Variants in NFE2L2 observed in about 807,000 individuals in gnomAD.
The protein encoded by NFE2L2 is NFE2 like bZIP transcription factor 2, also known as nuclear factor erythroid 2-related factor 2.
Under a neutral mutation model 49.6 loss-of-function variants are expected in NFE2L2, and 20 were observed. That is an observed-to-expected ratio of 0.40 (90% CI 0.28 to 0.59). The LOEUF (loss-of-function observed/expected upper bound fraction) is 0.59. NFE2L2 is among the 20% of genes least tolerant of loss of function. The pLI, the probability that NFE2L2 is intolerant of heterozygous loss-of-function variation, is 0.40. For missense variants in NFE2L2, 578 were observed against 714.2 expected, an observed-to-expected ratio of 0.81 and a Z score of 2.17; for synonymous variants, 244 against 256.5, an observed-to-expected ratio of 0.95 and a Z score of 0.47.
At chr2:177,263,261 A>C (rs1690804386) in intron 1 of NFE2L2, 1 of 614,482 alleles carries the variant, frequency 1.6e-6, no homozygotes, top group Admixed American at 6.3e-5. Flanking sequence ...GAAGAGGGGG[A>C]ACATGTTAAG....
chr2:177,249,455 A>G (rs1193029810), intron 1 of NFE2L2, among the ~76,000 whole-genome samples: 1 of 152,214 alleles, frequency 6.6e-6, no homozygotes, highest in African/African-American at 2.4e-5. Flanking sequence ...GTGACCCCCA[A>G]GATCCTTTCC....
intron 1 of NFE2L2, among the ~76,000 whole-genome samples, chr2:177,253,954 C>CTACTTCCTT (rs1475445571): frequency 6.6e-6 from 1 of 152,188 alleles, no homozygotes; most frequent in Non-Finnish European, 1.5e-5. Flanking sequence ...TTACTTCCCT[C>CTACTTCCTT]AGGCTGATGG....
At position 177,232,435 on chromosome 2, in the gene NFE2L2, A is replaced by G; in HGVS notation, c.551T>C (p.Ile184Thr). The change falls in exon 4 of 5, where the codon ATT (isoleucine) becomes ACT (threonine). Residue 184 changes from isoleucine (I) to threonine (T), a missense_variant. Physicochemically the swap from Ile to Thr is moderately conservative, Grantham distance 89. Transcript: ENST00000397062. The stretch of plus-strand genomic sequence containing the variant: ...TAATAGCTCCTCCCAAACTTGCTCA[A>G]TGTCCTGTTGCATACCGTCTAAATC... Reference protein sequence around the residue: ...PVDLDGMQQDIEQVWEELLSI... With the variant: ...PVDLDGMQQDTEQVWEELLSI... 1 of 1,614,116 alleles carries G rather than the reference A, an allele frequency of 6.2e-7. No homozygotes were observed. The highest frequency in any genetic ancestry group is 2.2e-5 in the East Asian group (1 of 44,890).
Position 177,240,994 on chromosome 2 carries a change from C to T in NFE2L2, c.46-6723G>A, listed in dbSNP as rs118041859. Among the ~76,000 whole-genome samples, 452 of 152,304 alleles carry T rather than the reference C, an allele frequency of 3.0e-3. 8 individuals carry two copies. In the East Asian group the frequency reaches 0.046, roughly 15 times the overall value. ...TTGCACCTCCCATTCCCCCGAGTCT[C>T]CCTTCCCTCTCCTACCCTCTATCTT... On this transcript the variant is annotated intron_variant, in intron 1 of 4. Coordinates refer to ENST00000397062, the MANE Select transcript of NFE2L2 (RefSeq NM_006164.5).
chr2:177,264,030 T>C (rs1423484478), intron 1 of NFE2L2: 2 of 865,848 alleles, frequency 2.3e-6, no homozygotes, highest in Non-Finnish European at 2.8e-6. Context: ...GGGCTCCGGG[T>C]CCCAGCCCGA....
chr2:177,264,317 C>T (rs1690858848), intron 1 of NFE2L2: 2 of 500,712 alleles, frequency 4.0e-6, no homozygotes, highest in Non-Finnish European at 6.9e-6. Flanking sequence ...CGTTCGCCCT[C>T]GGGCTCGTGG....
At chr2:177,236,599 C>A (rs183761430) in intron 1 of NFE2L2, among the ~76,000 whole-genome samples, 220 of 152,266 alleles carry the variant, frequency 1.4e-3, no homozygotes, top group Admixed American at 4.5e-3. Flanking sequence ...AAAGATACTA[C>A]CAGAAAGTGG....
intron 1 of NFE2L2, among the ~76,000 whole-genome samples, chr2:177,249,903 C>T (rs1438658534): frequency 1.3e-5 from 2 of 152,170 alleles, no homozygotes; most frequent in South Asian, 2.1e-4. Context: ...AAATTTCAAG[C>T]ATGAGGGACA....
Position 177,232,379 on chromosome 2 carries a change from C to G in NFE2L2, c.594+13G>C. The G allele has an allele frequency of 6.2e-7, 1 of 1,605,020 alleles. No individual in the cohort carries two copies. The highest frequency in any genetic ancestry group is 1.1e-5 in the South Asian group (1 of 90,402). Reference sequence around the variant, plus strand: ...TAAAAAAAATCTCCAGTATTACATTCTATTTTAGTTACCTGTAACTCAGGA... The same window carrying G: ...TAAAAAAAATCTCCAGTATTACATTGTATTTTAGTTACCTGTAACTCAGGA... On this transcript the variant is annotated intron_variant, in intron 4 of 4. Transcript: ENST00000397062.
intron 1 of NFE2L2, among the ~76,000 whole-genome samples, chr2:177,245,947 G>C (rs150030372): frequency 5.7e-4 from 87 of 152,196 alleles, no homozygotes; most frequent in African/African-American, 2.0e-3. Flanking sequence ...TTGAGGCTTC[G>C]GGGATTAAGC....
Position 177,231,217 on chromosome 2 carries a change from T to A in NFE2L2, c.1386A>T (p.Lys462Asn). Residue 462 changes from lysine to asparagine, a missense_variant, in exon 5 of 5, where the codon AAA becomes AAT. Around this residue, in one of 3 missense-constraint regions of NFE2L2, gnomAD observed 117 missense variants for 175.8 expected, o/e 0.67. Transcript: ENST00000397062. ...CTACAGGGAATGGGATATGGAGAGC[T>A]TTTGCCCTAAGTTCATCTCTTGTGA... is the stretch of plus-strand genomic sequence containing the variant. ...AHLTRDELRA[K>N]ALHIPFPVEK... The A allele has an allele frequency of 6.2e-7, 1 of 1,614,232 alleles. No individual in the cohort carries two copies. The highest frequency in any genetic ancestry group is 8.5e-7 in the Non-Finnish European group (1 of 1,180,040).
chr2:177,253,637 T>C (rs1558990163), intron 1 of NFE2L2, among the ~76,000 whole-genome samples: 1 of 152,240 alleles, frequency 6.6e-6, no homozygotes, highest in Non-Finnish European at 1.5e-5. Flanking sequence ...GGGTTAGAGT[T>C]CAAATTACTT....
chr2:177,245,964 C>T (rs1690110462), intron 1 of NFE2L2, among the ~76,000 whole-genome samples: 1 of 152,158 alleles, frequency 6.6e-6, no homozygotes, highest in African/African-American at 2.4e-5. Context: ...AAGCAACCTG[C>T]CCCAAATCAC....
rs565619769 is a variant in NFE2L2 at position 177,230,495 on chromosome 2, T to G, written c.*290A>C. On this transcript the variant is annotated 3_prime_UTR_variant, in exon 5 of 5. Coordinates refer to ENST00000397062, the MANE Select transcript of NFE2L2 (RefSeq NM_006164.5). ...TCATATCATCATATAAATCTATGAA[T>G]ATAACAAATGACATAAGAACAGTAT... is the stretch of plus-strand genomic sequence containing the variant. 2.4e-5 allele frequency: 7 copies of G among 292,452 alleles called. No individual in the cohort carries two copies. Among genetic ancestry groups the G allele is most frequent in the Non-Finnish European group, 4.4e-5 (7 of 159,262 alleles). The allele number at this position is 292,452 out of a possible 1,614,324, so 18.1% of individuals were successfully genotyped here.
At chr2:177,262,117 T>C (rs1338482140) in intron 1 of NFE2L2, among the ~76,000 whole-genome samples, 1 of 152,234 alleles carries the variant, frequency 6.6e-6, no homozygotes, top group African/African-American at 2.4e-5. Flanking sequence ...ATGTGAGTTA[T>C]GCATTTATCC....
At chr2:177,259,859 G>C (rs539649641) in intron 1 of NFE2L2, among the ~76,000 whole-genome samples, 3 of 152,194 alleles carry the variant, frequency 2.0e-5, no homozygotes, top group South Asian at 4.2e-4. Context: ...GTGAACCCGG[G>C]AGGTGGAGCT....
chr2:177,232,052 CATG>C (rs1558979601), intron 4 of NFE2L2, 44 bp from the exon 5 acceptor site: 3 of 1,510,996 alleles, frequency 2.0e-6, no homozygotes, highest in East Asian at 2.3e-5. Context: ...AAAGTTAATC[CATG>C]ATAATACGTG....
At chr2:177,232,153 C>T in intron 4 of NFE2L2, 145 bp from the exon 5 acceptor site, 2 of 974,222 alleles carry the variant, frequency 2.1e-6, no homozygotes. Flanking sequence ...TTCTCATTTC[C>T]AATACATATT....
At chr2:177,245,362 A>G (rs1435398872) in intron 1 of NFE2L2, among the ~76,000 whole-genome samples, 1 of 152,194 alleles carries the variant, frequency 6.6e-6, no homozygotes, top group East Asian at 1.9e-4. Context: ...AAGGATTATC[A>G]AACTACTAAG....
Sources: gnomAD v4.1 joint callset for allele counts (sites outside exome capture counted in the v4.1 genomes callset) on GRCh38, gnomAD v4.1.1 for gene constraint, gnomAD v4.1.1 regional missense constraint, MANE v1.5 for transcripts, NCBI Gene and HGNC (gene_info 2026-07-23, HGNC 2026-07-21) for gene names.